DSCAML1: variants seen among roughly 807,000 people sequenced by gnomAD.
DSCAML1 encodes DS cell adhesion molecule like 1.
Under a neutral mutation model 200.5 loss-of-function variants are expected in DSCAML1, and 38 were observed. The ratio of observed to expected loss-of-function variants is 0.19; its 90% CI spans 0.15 to 0.25. The LOEUF (loss-of-function observed/expected upper bound fraction) is 0.25. Among genes scored for constraint, DSCAML1 ranks in the 10% least tolerant of loss-of-function variants. The pLI is 1.00. For synonymous variants in DSCAML1, 1,215 were observed against 1,165.0 expected (o/e 1.04, Z -0.87); for missense variants, 2,223 against 2,858.8 (o/e 0.78, Z 5.07).
chr11:117,560,231 C>G (rs1472811397), intron 3 of DSCAML1, among the ~76,000 whole-genome samples: 1 of 152,078 alleles, frequency 6.6e-6, no homozygotes, highest in African/African-American at 2.4e-5. Flanking sequence ...TTGTTGAGTG[C>G]CTACTTTGTC....
intron 3 of DSCAML1, among the ~76,000 whole-genome samples, chr11:117,592,042 A>G (rs374093933): frequency 5.8e-4 from 89 of 152,222 alleles, no homozygotes; most frequent in African/African-American, 2.1e-3. Context: ...ATCTGAGTCA[A>G]TCATGTCTAT....
intron 3 of DSCAML1, among the ~76,000 whole-genome samples, chr11:117,660,609 G>C (rs971090175): frequency 2.0e-5 from 3 of 152,146 alleles, no homozygotes; most frequent in Admixed American, 1.3e-4. Flanking sequence ...AGTCCAAAAA[G>C]GATTTTAATT....
chr11:117,639,100 G>A (rs534579533), intron 3 of DSCAML1, among the ~76,000 whole-genome samples: 4 of 152,108 alleles, frequency 2.6e-5, no homozygotes, highest in African/African-American at 9.7e-5. Context: ...AACAACTAGG[G>A]TCCAGAGGAA....
At chr11:117,479,071 A>G (rs1270933094) in intron 14 of DSCAML1, among the ~76,000 whole-genome samples, 2 of 152,210 alleles carry the variant, frequency 1.3e-5, no homozygotes, top group Non-Finnish European at 2.9e-5. Flanking sequence ...CACATGTCCC[A>G]CTTCAACTCA....
chr11:117,807,012 C>T lies in DSCAML1; in HGVS notation c.-250+10378G>A, dbSNP rs60142940. 6.3e-3 allele frequency among the ~76,000 whole-genome samples: 953 copies of T among 152,270 alleles called. 6 individuals are homozygous for T. Among genetic ancestry groups the T allele is most frequent in the African/African-American group, 0.021 (886 of 41,542 alleles). On this transcript the variant is annotated intron_variant, in intron 1 of 2. Coordinates refer to the DSCAML1 transcript ENST00000525836. Reference sequence around the variant, plus strand: ...CATCTCTCAAGGATGAGGCCAAATCCTCTTTCTCAATCACAATACTTTTTG... The same window carrying T: ...CATCTCTCAAGGATGAGGCCAAATCTTCTTTCTCAATCACAATACTTTTTG...
intron 3 of DSCAML1, among the ~76,000 whole-genome samples, chr11:117,615,954 A>G (rs1310083134): frequency 1.3e-5 from 2 of 152,140 alleles, no homozygotes; most frequent in African/African-American, 4.8e-5. Flanking sequence ...GCTTGGACAG[A>G]GCTGGGATTG....
At chr11:117,575,663 G>A (rs184051886) in intron 3 of DSCAML1, among the ~76,000 whole-genome samples, 5 of 152,166 alleles carry the variant, frequency 3.3e-5, no homozygotes, top group Admixed American at 3.3e-4. Flanking sequence ...TAGTAGTTGA[G>A]AACAATAAAA....
At chr11:117,564,786 G>A (rs2050727881) in intron 3 of DSCAML1, among the ~76,000 whole-genome samples, 1 of 130,366 alleles carries the variant, frequency 7.7e-6, no homozygotes, top group East Asian at 2.2e-4. Flanking sequence ...CTTTCTTTTT[G>A]ATGGAGTCTC....
chr11:117,447,317 A>G (rs1216625638), intron 20 of DSCAML1, among the ~76,000 whole-genome samples: 1 of 152,220 alleles, frequency 6.6e-6, no homozygotes, highest in Non-Finnish European at 1.5e-5. Context: ...TTAGAAGAAT[A>G]TCTGATGGTG....
intron 18 of DSCAML1, among the ~76,000 whole-genome samples, chr11:117,460,891 C>T (rs1259637405): frequency 1.3e-5 from 2 of 152,048 alleles, no homozygotes; most frequent in East Asian, 1.9e-4. Context: ...TTCTGGTAGC[C>T]CTGCTTCCTC....
intron 3 of DSCAML1, among the ~76,000 whole-genome samples, chr11:117,562,848 C>T (rs2050689308): frequency 1.3e-5 from 2 of 152,212 alleles, no homozygotes; most frequent in Non-Finnish European, 2.9e-5. Context: ...TCTCCTGCCT[C>T]AGCCTCCTGA....
At chr11:117,811,573 A>C (rs1471584515) in intron 1 of DSCAML1, among the ~76,000 whole-genome samples, 2 of 152,174 alleles carry the variant, frequency 1.3e-5, no homozygotes, top group South Asian at 2.1e-4. Context: ...AGAAATCTGG[A>C]CACCAGGCCA....
intron 3 of DSCAML1, among the ~76,000 whole-genome samples, chr11:117,554,514 C>T (rs1399970995): frequency 6.6e-6 from 1 of 152,068 alleles, no homozygotes; most frequent in African/African-American, 2.4e-5. Context: ...GTAGCTGGGA[C>T]TACAGGTGGG....
At chr11:117,663,829 C>T (rs902411688) in intron 3 of DSCAML1, among the ~76,000 whole-genome samples, 3 of 152,160 alleles carry the variant, frequency 2.0e-5, no homozygotes, top group African/African-American at 7.2e-5. Flanking sequence ...GAAAACATAC[C>T]TCCTGGCAAA....
At chr11:117,626,682 C>T (rs77859006) in intron 3 of DSCAML1, among the ~76,000 whole-genome samples, 29 of 152,270 alleles carry the variant, frequency 1.9e-4, no homozygotes, top group African/African-American at 5.1e-4. Context: ...ATGCAGGAGG[C>T]GCTTATTTTC....
chr11:117,674,206 T>C (rs1348636106), intron 3 of DSCAML1, among the ~76,000 whole-genome samples: 3 of 152,236 alleles, frequency 2.0e-5, no homozygotes, highest in African/African-American at 7.2e-5. Context: ...TCTCATGACC[T>C]GAGCCCTGGT....
intron 3 of DSCAML1, among the ~76,000 whole-genome samples, chr11:117,751,719 A>T (rs559476821): frequency 1.3e-5 from 2 of 152,170 alleles, no homozygotes; most frequent in African/African-American, 4.8e-5. Flanking sequence ...CCTGGGGGAA[A>T]AAATGGAGGC....
chr11:117,450,716 G>T, intron 19 of DSCAML1, 28 bp from the exon 20 acceptor site: 1 of 1,608,046 alleles, frequency 6.2e-7, no homozygotes, highest in Non-Finnish European at 8.5e-7. Context: ...CTGGTCAGTT[G>T]AGAGAAAGCA....
At chr11:117,581,189 C>T (rs775359957) in intron 3 of DSCAML1, among the ~76,000 whole-genome samples, 17 of 152,182 alleles carry the variant, frequency 1.1e-4, no homozygotes, top group South Asian at 2.1e-4. Flanking sequence ...GGTCTCCCCA[C>T]GGTAATGATA....
Sources: gnomAD v4.1 joint callset for allele counts (sites outside exome capture counted in the v4.1 genomes callset) on GRCh38, gnomAD v4.1.1 for gene constraint, MANE v1.5 for transcripts, NCBI Gene and HGNC (gene_info 2026-07-23, HGNC 2026-07-21) for gene names.